Variants in NLGN1 observed in about 807,000 individuals in gnomAD.
NLGN1 encodes the protein neuroligin-1.
NLGN1 carries 12 observed loss-of-function variants against 65.5 expected under a neutral mutation model. The ratio of observed to expected loss-of-function variants is 0.18; its 90% confidence interval spans 0.12 to 0.30. The LOEUF (loss-of-function observed/expected upper bound fraction) is 0.30. Ranked by LOEUF, NLGN1 falls within the 10% of genes least tolerant of loss-of-function variation. NLGN1 has a pLI of 1.00. For missense variants in NLGN1, 750 were observed against 1,007.1 expected, an observed-to-expected ratio of 0.74 and a Z score of 3.46; for synonymous variants, 350 against 359.5, an observed-to-expected ratio of 0.97 and a Z score of 0.30.
At chr3:174,102,634 A>C (rs1429805424) in intron 4 of NLGN1, among the ~76,000 whole-genome samples, 1 of 152,158 alleles carries the variant, frequency 6.6e-6, no homozygotes, top group East Asian at 1.9e-4. Context: ...AATTTTAGGC[A>C]CGGTTTTCAA....
chr3:174,066,552 CTCTCTCTCTCTCTG>C (rs1738620239), intron 4 of NLGN1, among the ~76,000 whole-genome samples: 2 of 115,738 alleles, frequency 1.7e-5, no homozygotes, highest in Admixed American at 8.4e-5. Context: ...CTCTCTCTCT[CTCTCTCTCTCTCTG>C]TGTGTGTGTG....
chr3:174,054,999 T>C (rs1033404511), intron 4 of NLGN1, among the ~76,000 whole-genome samples: 1 of 151,948 alleles, frequency 6.6e-6, no homozygotes, highest in Non-Finnish European at 1.5e-5. Context: ...TGTTGAGACT[T>C]AGCACTAGAG....
intron 2 of NLGN1, among the ~76,000 whole-genome samples, chr3:173,586,205 A>AG (rs11395226): frequency 0.012 from 1,811 of 152,338 alleles, 41 homozygotes; most frequent in African/African-American, 0.042. Flanking sequence ...AAATGGAGAT[A>AG]GATAAAAGAT....
At chr3:174,016,133 T>C (rs1468855854) in intron 4 of NLGN1, among the ~76,000 whole-genome samples, 1 of 152,212 alleles carries the variant, frequency 6.6e-6, no homozygotes, top group Non-Finnish European at 1.5e-5. Context: ...TTCTGATTAA[T>C]AACTAACAAC....
chr3:173,764,047 C>A (rs988863201), intron 3 of NLGN1, among the ~76,000 whole-genome samples: 1 of 152,062 alleles, frequency 6.6e-6, no homozygotes, highest in African/African-American at 2.4e-5. Context: ...GTTTTTTAAA[C>A]CTTGTTTTCT....
intron 4 of NLGN1, among the ~76,000 whole-genome samples, chr3:174,068,323 C>T (rs763504134): frequency 1.6e-4 from 25 of 152,090 alleles, no homozygotes; most frequent in Non-Finnish European, 2.5e-4. Flanking sequence ...AGCCTGCAAC[C>T]GTGAGCCCAG....
intron 4 of NLGN1, among the ~76,000 whole-genome samples, chr3:173,878,330 G>A (rs1732540640): frequency 6.6e-6 from 1 of 152,060 alleles, no homozygotes; most frequent in South Asian, 2.1e-4. Context: ...GTGAGCCACT[G>A]CGCCAAGCCA....
At chr3:173,654,490 G>T (rs964628385) in intron 3 of NLGN1, among the ~76,000 whole-genome samples, 3 of 152,052 alleles carry the variant, frequency 2.0e-5, no homozygotes, top group African/African-American at 7.2e-5. Context: ...TATGCATCAG[G>T]TCCCTATTAT....
At chr3:173,606,655 C>T (rs1163792732) in intron 3 of NLGN1, among the ~76,000 whole-genome samples, 1 of 151,908 alleles carries the variant, frequency 6.6e-6, no homozygotes, top group Non-Finnish European at 1.5e-5. Flanking sequence ...TTATAAATAA[C>T]AAAATTCATA....
At chr3:174,071,567 G>T (rs902540791) in intron 4 of NLGN1, among the ~76,000 whole-genome samples, 6 of 151,986 alleles carry the variant, frequency 3.9e-5, no homozygotes, top group African/African-American at 1.4e-4. Flanking sequence ...TTAGCTGGGC[G>T]TGGTGGTATG....
At chr3:174,108,952 G>A (rs759073486) in intron 4 of NLGN1, among the ~76,000 whole-genome samples, 9 of 151,854 alleles carry the variant, frequency 5.9e-5, no homozygotes, top group Non-Finnish European at 1.0e-4. Context: ...AATATATATA[G>A]TACATACACA....
intron 4 of NLGN1, among the ~76,000 whole-genome samples, chr3:174,066,873 A>G (rs1007618226): frequency 2.0e-5 from 3 of 152,106 alleles, no homozygotes; most frequent in Non-Finnish European, 2.9e-5. Context: ...TTTGATATAA[A>G]AGGAATGTAA....
intron 2 of NLGN1, among the ~76,000 whole-genome samples, chr3:173,466,829 T>C (rs1724443545): frequency 6.6e-6 from 1 of 152,170 alleles, no homozygotes; most frequent in African/African-American, 2.4e-5. Context: ...ACCTAACGTC[T>C]TCAGGGAATG....
At chr3:174,051,668 T>G (rs956729167) in intron 4 of NLGN1, among the ~76,000 whole-genome samples, 1 of 152,052 alleles carries the variant, frequency 6.6e-6, no homozygotes, top group Non-Finnish European at 1.5e-5. Context: ...ATTATGGTAC[T>G]TAGGGCTATG....
At chr3:173,867,067 T>C (rs1730319081) in intron 4 of NLGN1, among the ~76,000 whole-genome samples, 1 of 152,184 alleles carries the variant, frequency 6.6e-6, no homozygotes, top group Non-Finnish European at 1.5e-5. Flanking sequence ...TCTGTACTCC[T>C]AGGAAGATCT....
chr3:173,890,326 C>T (rs57066541), intron 4 of NLGN1, among the ~76,000 whole-genome samples: 1 of 151,954 alleles, frequency 6.6e-6, no homozygotes, highest in African/African-American at 2.4e-5. Flanking sequence ...GAACCACCCA[C>T]ACACACTTGT....
chr3:174,142,417 A>G (rs1310410629), intron 4 of NLGN1, among the ~76,000 whole-genome samples: 1 of 152,106 alleles, frequency 6.6e-6, no homozygotes, highest in East Asian at 1.9e-4. Flanking sequence ...CACACTTTTG[A>G]CCTGATACAT....
At chr3:173,413,461 G>A (rs531476605) in intron 1 of NLGN1, among the ~76,000 whole-genome samples, 2 of 152,076 alleles carry the variant, frequency 1.3e-5, no homozygotes, top group Non-Finnish European at 2.9e-5. Flanking sequence ...TAAGCTGGGC[G>A]TGGTGGCATG....
chr3:174,293,152 G>A, the NLGN1 span, among the ~76,000 whole-genome samples: 49 of 151,556 alleles, frequency 3.2e-4, no homozygotes, highest in Non-Finnish European at 5.8e-4. Flanking sequence ...GCAAGATGGG[G>A]TAACCTAAAA....
Sources: allele counts gnomAD v4.1 joint callset (sites outside exome capture counted in the v4.1 genomes callset), GRCh38; gene constraint gnomAD v4.1.1; transcripts MANE v1.5; gene names NCBI Gene and HGNC (gene_info 2026-07-23, HGNC 2026-07-21).